Variants in SLC10A7 observed in about 807,000 individuals in gnomAD.
The protein encoded by SLC10A7 is sodium/bile acid cotransporter 7.
A neutral mutation model predicts 43.2 loss-of-function variants in SLC10A7; 29 were observed. That is an observed-to-expected ratio of 0.67 (90% CI 0.50 to 0.92). The LOEUF is 0.92. Among genes scored for constraint, SLC10A7 ranks in the 40% least tolerant of loss-of-function variants. The probability of loss-of-function intolerance (pLI) is 0.00; values close to 1 mark genes in which losing one functional copy is unlikely to be tolerated. For missense variants in SLC10A7, 295 were observed against 403.2 expected (o/e 0.73, Z 2.30); for synonymous variants, 152 against 144.8 (o/e 1.05, Z -0.35).
At chr4:146,467,748 A>C (rs1579264761) in intron 4 of SLC10A7, among the ~76,000 whole-genome samples, 1 of 152,008 alleles carries the variant, frequency 6.6e-6, no homozygotes, top group East Asian at 1.9e-4. Context: ...TTTTTAGTAG[A>C]GATGGGGTGT....
chr4:146,435,531 G>A lies in SLC10A7; in HGVS notation c.435+7252C>T, dbSNP rs549232495. On this transcript the variant is annotated intron_variant, in intron 5 of 11. Coordinates refer to ENST00000335472, the MANE Select transcript of SLC10A7 (RefSeq NM_001029998.6). ...TTAGGACTTGATATTCTCACTTTAAGAATCTGTAATGTAGATGAAGGCAGG... is the reference window on the plus strand; with the variant it reads ...TTAGGACTTGATATTCTCACTTTAAAAATCTGTAATGTAGATGAAGGCAGG... 1.2e-4 allele frequency among the ~76,000 whole-genome samples: 19 copies of A among 152,254 alleles called. No homozygotes were observed. In the South Asian group the frequency reaches 2.7e-3, roughly 22 times the overall value.
At chr4:146,470,586 C>CT (rs781623649) in intron 4 of SLC10A7, among the ~76,000 whole-genome samples, 3 of 152,150 alleles carry the variant, frequency 2.0e-5, no homozygotes, top group East Asian at 3.9e-4. Flanking sequence ...GGAAAGAAGT[C>CT]TTTTTTCTGA....
At chr4:146,273,766 G>A (rs1729037339) in intron 10 of SLC10A7, among the ~76,000 whole-genome samples, 1 of 152,066 alleles carries the variant, frequency 6.6e-6, no homozygotes, top group Admixed American at 6.6e-5. Context: ...AAACACTGCA[G>A]ATGGTGATGC....
intron 6 of SLC10A7, among the ~76,000 whole-genome samples, chr4:146,309,765 A>T (rs1040675622): frequency 6.6e-6 from 1 of 152,132 alleles, no homozygotes; most frequent in Non-Finnish European, 1.5e-5. Context: ...CTCAATAGTA[A>T]CATTTATCGT....
rs376518508 is a variant in SLC10A7, at chr4:146,272,451, G to T, written c.847+10741C>A. ...AATTTCTGGCTGGAGTTGTTTGGAT[G>T]GGGCTGTAAATGGGGACATACAAGG... On this transcript the variant is annotated intron_variant, in intron 10 of 11. Transcript: ENST00000335472. Among the ~76,000 whole-genome samples, 15 of 152,268 alleles carry T rather than the reference G, an allele frequency of 9.9e-5. No individual in the cohort carries two copies. In the South Asian group the frequency reaches 3.1e-3, roughly 32 times the overall value.
intron 5 of SLC10A7, among the ~76,000 whole-genome samples, chr4:146,345,833 T>C (rs905652867): frequency 6.6e-6 from 1 of 152,172 alleles, no homozygotes; most frequent in African/African-American, 2.4e-5. Flanking sequence ...AATAAATACA[T>C]GAATAATAGG....
At chr4:146,267,304 G>GA (rs1366918287) in intron 10 of SLC10A7, among the ~76,000 whole-genome samples, 3 of 152,114 alleles carry the variant, frequency 2.0e-5, no homozygotes, top group Non-Finnish European at 4.4e-5. Flanking sequence ...CTACAGTGTG[G>GA]CTTTTTGGAT....
intron 5 of SLC10A7, among the ~76,000 whole-genome samples, chr4:146,357,078 C>G (rs1447557378): frequency 1.3e-5 from 2 of 152,082 alleles, no homozygotes; most frequent in Non-Finnish European, 2.9e-5. Context: ...AGGTACGTCA[C>G]CCATGAAGAA....
At chr4:146,475,787 T>C (rs1402250657) in intron 4 of SLC10A7, among the ~76,000 whole-genome samples, 2 of 152,184 alleles carry the variant, frequency 1.3e-5, no homozygotes, top group Non-Finnish European at 2.9e-5. Flanking sequence ...ACTAAAAAGA[T>C]TTTAAGACTG....
At chr4:146,395,986 T>C (rs1738797237) in intron 5 of SLC10A7, among the ~76,000 whole-genome samples, 1 of 152,214 alleles carries the variant, frequency 6.6e-6, no homozygotes, top group South Asian at 2.1e-4. Flanking sequence ...TTTCTTTAAA[T>C]GTATGTATCA....
chr4:146,441,739 A>C, intron 5 of SLC10A7: 1 of 985,324 alleles, frequency 1.0e-6, no homozygotes, highest in South Asian at 4.7e-5. Flanking sequence ...TGGCTCTATA[A>C]AAATAGGATA....
At position 146,312,741 on chromosome 4, in the gene SLC10A7, C is replaced by T. The variant is rs75022259; in HGVS notation, c.472-6732G>A. On this transcript the variant is annotated intron_variant, in intron 6 of 11. Coordinates refer to ENST00000335472, the MANE Select transcript of SLC10A7 (RefSeq NM_001029998.6). ...TCCTCCAGTTCATCCATGTTATACG[C>T]TAATTTAAAATGTAAGATGAAAAGG... Among the ~76,000 whole-genome samples the T allele has an allele frequency of 7.5e-3, 1,145 of 152,206 alleles. 15 individuals carry two copies. Among genetic ancestry groups the T allele is most frequent in the African/African-American group, 0.026 (1,086 of 41,540 alleles).
intron 4 of SLC10A7, among the ~76,000 whole-genome samples, chr4:146,498,638 C>G (rs973525698): frequency 1.3e-5 from 2 of 152,122 alleles, no homozygotes; most frequent in African/African-American, 4.8e-5. Flanking sequence ...AATGTAAAAG[C>G]CACAAAAGAA....
chr4:146,388,025 A>T (rs1429851521), intron 5 of SLC10A7, among the ~76,000 whole-genome samples: 3 of 152,218 alleles, frequency 2.0e-5, no homozygotes, highest in Non-Finnish European at 4.4e-5. Context: ...ATTCAACGTA[A>T]TCCCTATCAA....
In SLC10A7 at chr4:146,459,626, A is replaced by C. The variant is rs1732361268; in HGVS notation, c.397-16805T>G. ...TGGACATCCACACACAAAAAAAAAA[A>C]ACGAAAAACTCTGATGCTTATTCAC... On this transcript the variant is annotated intron_variant, in intron 4 of 11. Coordinates refer to ENST00000335472, the MANE Select transcript of SLC10A7 (RefSeq NM_001029998.6). 4.6e-5 allele frequency among the ~76,000 whole-genome samples: 7 copies of C among 151,248 alleles called. No individual in the cohort carries two copies. The South Asian group carries it at 1.5e-3, about 31-fold the overall frequency.
chr4:146,510,696 C>T (rs766663449), intron 2 of SLC10A7, among the ~76,000 whole-genome samples: 19 of 152,068 alleles, frequency 1.2e-4, no homozygotes, highest in African/African-American at 3.1e-4. Context: ...TGTTGAACAA[C>T]GTGCATGTAT....
At position 146,363,511 on chromosome 4, in the gene SLC10A7, T is replaced by C. The variant is rs78187181; in HGVS notation, c.436-37515A>G. Reference sequence around the variant, plus strand: ...TGCACTATAGACCAAATGGACCTAATAGACATCTACAGAACATTTCATTCA... The same window carrying C: ...TGCACTATAGACCAAATGGACCTAACAGACATCTACAGAACATTTCATTCA... On this transcript the variant is annotated intron_variant, in intron 5 of 11. Coordinates refer to ENST00000335472, the MANE Select transcript of SLC10A7 (RefSeq NM_001029998.6). 1.2e-3 allele frequency among the ~76,000 whole-genome samples: 177 copies of C among 152,262 alleles called. 1 individual carries two copies. The East Asian group carries it at 0.02, about 17-fold the overall frequency.
intron 9 of SLC10A7, among the ~76,000 whole-genome samples, chr4:146,283,611 A>G (rs1036858440): frequency 7.9e-5 from 12 of 152,208 alleles, no homozygotes; most frequent in African/African-American, 2.9e-4. Context: ...GCTTGAAAGG[A>G]TAAATATATC....
At chr4:146,394,422 C>A (rs937038654) in intron 5 of SLC10A7, among the ~76,000 whole-genome samples, 3 of 152,056 alleles carry the variant, frequency 2.0e-5, no homozygotes, top group African/African-American at 7.2e-5. Context: ...TGCAGTGGCG[C>A]AATCTTGGCT....
Sources: gnomAD v4.1 joint callset for allele counts (sites outside exome capture counted in the v4.1 genomes callset) on GRCh38, gnomAD v4.1.1 for gene constraint, MANE v1.5 for transcripts, NCBI Gene and HGNC (gene_info 2026-07-23, HGNC 2026-07-21) for gene names.